Variants in CHD2 observed in about 807,000 individuals in gnomAD.
CHD2 encodes the protein ATP-dependent chromatin remodeler CHD2.
In CHD2, 28 loss-of-function variants were observed where a neutral mutation model predicts 243.9. That is an observed-to-expected ratio of 0.11 (90% CI 0.09 to 0.16). The LOEUF is 0.16. CHD2 is among the 10% of genes least tolerant of loss of function. CHD2 has a pLI of 1.00. For missense variants in CHD2, 1,386 were observed against 2,209.8 expected (o/e 0.63, Z 7.47); for synonymous variants, 775 against 779.0 (o/e 0.99, Z 0.09).
intron 35 of CHD2, among the ~76,000 whole-genome samples, chr15:93,009,958 C>T (rs1010619838): frequency 3.9e-5 from 6 of 152,200 alleles, no homozygotes; most frequent in African/African-American, 9.6e-5. Context: ...TGGTGATTTC[C>T]GAGATTTTGG....
intron 2 of CHD2, among the ~76,000 whole-genome samples, chr15:92,912,257 G>C (rs2052750095): frequency 6.6e-6 from 1 of 152,186 alleles, no homozygotes; most frequent in Non-Finnish European, 1.5e-5. Context: ...CATGTAGTAG[G>C]TTTGAGGAAT....
chr15:92,901,603 G>A (rs1287318134), intron 2 of CHD2: 5 of 438,040 alleles, frequency 1.1e-5, no homozygotes, highest in Non-Finnish European at 1.6e-5. Context: ...TCAGTTTTTA[G>A]GTTTTTGTAC....
chr15:92,969,407 C>T (rs1164896663), intron 17 of CHD2, among the ~76,000 whole-genome samples: 3 of 152,226 alleles, frequency 2.0e-5, no homozygotes, highest in Non-Finnish European at 4.4e-5. Flanking sequence ...TAGAGCAGCA[C>T]CCATCCCCAC....
At chr15:92,968,598 G>GT (rs1256547523) in intron 17 of CHD2, among the ~76,000 whole-genome samples, 1 of 152,156 alleles carries the variant, frequency 6.6e-6, no homozygotes, top group East Asian at 1.9e-4. Flanking sequence ...TCACTCACTT[G>GT]TTTATTAGGT....
chr15:92,906,747 G>C (rs1214445302), intron 2 of CHD2, among the ~76,000 whole-genome samples: 1 of 147,624 alleles, frequency 6.8e-6, no homozygotes, highest in Non-Finnish European at 1.5e-5. Flanking sequence ...TGAAGAACTT[G>C]GCTTTCTTGA....
At chr15:92,920,118 A>G (rs575927297) in intron 2 of CHD2, among the ~76,000 whole-genome samples, 1 of 152,224 alleles carries the variant, frequency 6.6e-6, no homozygotes, top group African/African-American at 2.4e-5. Context: ...GCATTTATAC[A>G]CATAGATATA....
intron 2 of CHD2, among the ~76,000 whole-genome samples, chr15:92,912,641 C>G (rs917825176): frequency 2.6e-5 from 4 of 152,244 alleles, no homozygotes; most frequent in Admixed American, 1.3e-4. Flanking sequence ...TCAAGTGATT[C>G]TCCTGCCTCA....
intron 8 of CHD2, among the ~76,000 whole-genome samples, chr15:92,942,405 CTTTTT>C (rs202182060): frequency 7.4e-6 from 1 of 135,878 alleles, no homozygotes; most frequent in East Asian, 2.1e-4. Context: ...TTTCTTTTGG[CTTTTT>C]TTTTTTTTTC....
intron 26 of CHD2, among the ~76,000 whole-genome samples, chr15:92,989,617 G>A (rs1160716059): frequency 6.6e-6 from 1 of 152,190 alleles, no homozygotes; most frequent in African/African-American, 2.4e-5. Context: ...GAGCCTGTAA[G>A]TCTACCAGCC....
At chr15:93,023,857 G>A (rs1006364346) in intron 38 of CHD2, among the ~76,000 whole-genome samples, 4 of 150,314 alleles carry the variant, frequency 2.7e-5, no homozygotes, top group African/African-American at 7.3e-5. Flanking sequence ...TTTTGAGTTG[G>A]GTTGTTTTTG....
chr15:92,977,119 T>G (rs1596426291), intron 20 of CHD2, among the ~76,000 whole-genome samples: 1 of 152,304 alleles, frequency 6.6e-6, no homozygotes, highest in East Asian at 1.9e-4. Context: ...ACTCCAGATT[T>G]CATTTGTTTT....
chr15:92,904,751 T>A (rs754937796), intron 2 of CHD2: 10 of 1,387,010 alleles, frequency 7.2e-6, no homozygotes, highest in Non-Finnish European at 8.4e-6. Flanking sequence ...ACATTTTCCC[T>A]TTTCATACCT....
chr15:93,004,130 A>AT lies in CHD2; in HGVS notation c.4279-487_4279-486insT, dbSNP rs1302610658. On this transcript the variant is annotated intron_variant, in intron 33 of 38. Coordinates refer to ENST00000394196, the MANE Select transcript of CHD2 (RefSeq NM_001271.4). ...CAGAGCGAGAATCTGTCTCAAAAAA[A>AT]AAAAAAAAAAAAGTACCTGAAGTCA... is the stretch of plus-strand genomic sequence containing the variant. 4.7e-3 allele frequency among the ~76,000 whole-genome samples: 715 copies of AT among 152,102 alleles called. 5 individuals carry two copies. The highest frequency in any genetic ancestry group is 0.017 in the African/African-American group (696 of 41,468).
chr15:92,924,381 G>T lies in CHD2; in HGVS notation c.123G>T (p.Gln41His). Residue 41 changes from glutamine to histidine, a missense_variant, in exon 3 of 39, where the codon CAG (glutamine) becomes CAT (histidine). Gln to His is a conservative substitution (Grantham distance 24). Transcript: ENST00000394196. ...CAGGCAGTCAGTCGGAAAGTGAGCA[G>T]GGAAGTGATCCAGGAAGTGGACATG... ...SDSGSQSESEQGSDPGSGHGS... is the reference protein window; with the variant it reads ...SDSGSQSESEHGSDPGSGHGS... 6.2e-7 allele frequency: 1 copy of T among 1,614,092 alleles called. No homozygotes were observed. Among genetic ancestry groups the T allele is most frequent in the South Asian group, 1.1e-5 (1 of 91,062 alleles).
chr15:93,014,415 G>A (rs1283735954), intron 36 of CHD2, among the ~76,000 whole-genome samples: 4 of 152,272 alleles, frequency 2.6e-5, no homozygotes, highest in Admixed American at 1.3e-4. Flanking sequence ...CAGCCTGGGC[G>A]CCTACACCAT....
Position 93,024,808 on chromosome 15 carries a change from A to G in CHD2, c.*103A>G. ...TCTAGACCAGTAAGTGGAGTTTTGGACATGCTGCTGCTGTCAACTCACTGG... is the reference window on the plus strand; with the variant it reads ...TCTAGACCAGTAAGTGGAGTTTTGGGCATGCTGCTGCTGTCAACTCACTGG... On this transcript the variant is annotated 3_prime_UTR_variant, in exon 39 of 39. Coordinates refer to ENST00000394196, the MANE Select transcript of CHD2 (RefSeq NM_001271.4). 1.0e-6 allele frequency: 1 copy of G among 987,402 alleles called. No homozygotes were observed. The highest frequency in any genetic ancestry group is 1.5e-6 in the Non-Finnish European group (1 of 677,024). 61.2% of individuals were successfully genotyped at this position (987,402 alleles called of 1,614,324 possible).
chr15:92,998,528 T>G lies in CHD2; in HGVS notation c.3915T>G (p.Pro1305=). Residue 1305 remains proline (P), a synonymous_variant, in exon 31 of 39, where the codon CCT becomes CCG. Coordinates refer to ENST00000394196, the MANE Select transcript of CHD2 (RefSeq NM_001271.4). The surrounding 1 kb of genome is among the most constrained non-coding windows in gnomAD (Gnocchi z 5.1). The part of the protein sequence containing the change: ...KILPVETDKK[P]QGKQLQTRAD... ...TGCCGGTGGAGACAGATAAAAAGCC[T>G]CAGGGGAAGCAGCTACAGACCCGAG... The G allele has an allele frequency of 6.2e-7, 1 of 1,613,898 alleles. No individual in the cohort carries two copies. The highest frequency in any genetic ancestry group is 8.5e-7 in the Non-Finnish European group (1 of 1,179,982).
At position 92,952,669 on chromosome 15, in the gene CHD2, C is replaced by T. The variant is rs973900338; in HGVS notation, c.1503-688C>T. The stretch of plus-strand genomic sequence containing the variant: ...GCGGCTGAAAATACATATGAAGCTT[C>T]CCTCCCTCACCCGCTGCTCACCTTC... On this transcript the variant is annotated intron_variant, in intron 13 of 38. Transcript: ENST00000394196. 6.6e-5 allele frequency among the ~76,000 whole-genome samples: 10 copies of T among 152,208 alleles called. No individual in the cohort carries two copies. The East Asian group carries it at 1.2e-3, about 18-fold the overall frequency.
rs2053973149 is a variant in CHD2 at position 92,981,041 on chromosome 15, T to A, written c.2973+130T>A. On this transcript the variant is annotated intron_variant, in intron 23 of 38. Transcript: ENST00000394196. ...AATTACTTGAAGGACAGTGTGTTTT[T>A]CTTTCGTAGGAATCTCATAGCTCTT... 22 of 692,746 alleles carry A rather than the reference T, an allele frequency of 3.2e-5. No individual in the cohort carries two copies. The South Asian group carries it at 3.8e-4, about 12-fold the overall frequency. 42.9% of individuals were successfully genotyped at this position (692,746 alleles called of 1,614,324 possible).
Sources: gnomAD v4.1 joint callset for allele counts (sites outside exome capture counted in the v4.1 genomes callset) on GRCh38, gnomAD v4.1.1 for gene constraint, Gnocchi (gnomAD v3.1) non-coding constraint, MANE v1.5 for transcripts, NCBI Gene and HGNC (gene_info 2026-07-23, HGNC 2026-07-21) for gene names.